The following KIF2A variants were observed in gnomAD, a reference collection of about 807,000 sequenced individuals.
The protein encoded by KIF2A is kinesin family member 2A.
KIF2A carries 22 observed loss-of-function variants against 100.2 expected under a neutral mutation model. The ratio of observed to expected loss-of-function variants is 0.22; its 90% CI spans 0.16 to 0.31. The LOEUF is 0.31. Among genes scored for constraint, KIF2A ranks in the 10% least tolerant of loss-of-function variants. KIF2A has a pLI of 1.00. For missense variants in KIF2A, 495 were observed against 898.7 expected, an observed-to-expected ratio of 0.55 and a Z score of 5.74; for synonymous variants, 268 against 285.9, an observed-to-expected ratio of 0.94 and a Z score of 0.63.
intron 1 of KIF2A, among the ~76,000 whole-genome samples, chr5:62,346,162 T>C (rs530673766): frequency 7.4e-4 from 112 of 152,202 alleles, no homozygotes; most frequent in African/African-American, 2.6e-3. Flanking sequence ...TTTAGCTCTG[T>C]AGTTATTATC....
chr5:62,378,380 C>T (rs1741633878), intron 19 of KIF2A, among the ~76,000 whole-genome samples: 1 of 152,120 alleles, frequency 6.6e-6, no homozygotes, highest in South Asian at 2.1e-4. Flanking sequence ...ATCATTTGGA[C>T]ATCTTTATGA....
At chr5:62,361,371 A>G (rs771655913) in intron 10 of KIF2A, 39 bp downstream of exon 10, 2 of 1,500,402 alleles carry the variant, frequency 1.3e-6, no homozygotes, top group Non-Finnish European at 1.9e-6. Flanking sequence ...GTACGAAGCT[A>G]CAGTTTCTTT....
In KIF2A at chr5:62,390,939, A is replaced by C. The variant is rs2112033819; in HGVS notation, c.*5370A>C. 2.5e-6 allele frequency: 4 copies of C among 1,612,642 alleles called. No homozygotes were observed. The East Asian group carries it at 8.9e-5, about 36-fold the overall frequency. ...GTCACTAAAACCTGTGCTGGTTAGGATTTGCTGTATTTTATCTGCTATGCT... is the reference window on the plus strand; with the variant it reads ...GTCACTAAAACCTGTGCTGGTTAGGCTTTGCTGTATTTTATCTGCTATGCT... On this transcript the variant is annotated 3_prime_UTR_variant, in exon 21 of 21. Transcript: ENST00000407818.
chr5:62,374,079 G>A (rs1317503030), intron 18 of KIF2A, among the ~76,000 whole-genome samples: 1 of 152,116 alleles, frequency 6.6e-6, no homozygotes, highest in Non-Finnish European at 1.5e-5. Flanking sequence ...AGATGTGGTG[G>A]TATACACCTG....
chr5:62,307,951 C>T (rs1745394815), intron 1 of KIF2A, among the ~76,000 whole-genome samples: 1 of 152,134 alleles, frequency 6.6e-6, no homozygotes. Context: ...ATTTATTAAC[C>T]TTTAGCCTAG....
At chr5:62,369,408 T>C (rs1311896126) in intron 16 of KIF2A, among the ~76,000 whole-genome samples, 3 of 152,156 alleles carry the variant, frequency 2.0e-5, no homozygotes, top group African/African-American at 7.2e-5. Flanking sequence ...GAGCCTCCTA[T>C]AAAACCATTA....
At chr5:62,377,311 A>G (rs1339372855) in intron 18 of KIF2A, among the ~76,000 whole-genome samples, 2 of 152,336 alleles carry the variant, frequency 1.3e-5, no homozygotes, top group African/African-American at 2.4e-5. Context: ...TGAAAAGTAG[A>G]CAATACTGAG....
chr5:62,368,368 T>G (rs927188741), intron 16 of KIF2A, among the ~76,000 whole-genome samples: 112 of 151,846 alleles, frequency 7.4e-4, no homozygotes, highest in East Asian at 5.4e-3. Context: ...ACCCCCCGGG[T>G]TTTTTTTGCA....
In KIF2A at chr5:62,387,008, G is replaced by GC. The variant is rs1319834344; in HGVS notation, c.*1441dup. ...GGGAACTATCAGCTCCTTCACAGGAGCCAAAGGGGAGCTATGAATAGAGGG... is the reference window on the plus strand; with the variant it reads ...GGGAACTATCAGCTCCTTCACAGGAGCCCAAAGGGGAGCTATGAATAGAGGG... On this transcript the variant is annotated 3_prime_UTR_variant, in exon 21 of 21. Transcript: ENST00000407818. Among the ~76,000 whole-genome samples, 1 of 152,198 alleles carries GC rather than the reference G, an allele frequency of 6.6e-6. No individual in the cohort carries two copies. Among genetic ancestry groups the GC allele is most frequent in the East Asian group, 1.9e-4 (1 of 5,202 alleles).
At position 62,323,504 on chromosome 5, in the gene KIF2A, C is replaced by G. The variant is rs570932659; in HGVS notation, c.64+16968C>G. ...CACCACTGCACTCCAGCCTGGGCGA[C>G]AGAGCGAGACTCTGTCTCAAAGAAA... On this transcript the variant is annotated intron_variant, in intron 1 of 20. Coordinates refer to ENST00000407818, the MANE Select transcript of KIF2A (RefSeq NM_001098511.3). Among the ~76,000 whole-genome samples the G allele has an allele frequency of 2.1e-5, 3 of 141,884 alleles. No individual in the cohort carries two copies. In the East Asian group the frequency reaches 6.2e-4, roughly 29 times the overall value. The allele number at this position is 141,884 out of a possible 152,430, so 93.1% of individuals were successfully genotyped here.
intron 10 of KIF2A, 22 bp downstream of exon 10, chr5:62,361,354 C>G (rs746376824): frequency 6.5e-7 from 1 of 1,535,898 alleles, no homozygotes; most frequent in Non-Finnish European, 9.0e-7. Context: ...ATTAAAGTTA[C>G]ATTCTGGTAC....
intron 14 of KIF2A, 62 bp from the exon 15 acceptor site, chr5:62,365,181 T>C: frequency 1.3e-6 from 1 of 789,704 alleles, no homozygotes; most frequent in Middle Eastern, 2.4e-4. Flanking sequence ...TTAAAATATG[T>C]TAATTAAGAT....
chr5:62,325,318 T>C (rs1272705681), intron 1 of KIF2A, among the ~76,000 whole-genome samples: 1 of 152,024 alleles, frequency 6.6e-6, no homozygotes, highest in African/African-American at 2.4e-5. Flanking sequence ...GAGATGGGGT[T>C]TCGCCATGTT....
At chr5:62,360,652 C>T (rs1395918843) in intron 9 of KIF2A, among the ~76,000 whole-genome samples, 1 of 151,986 alleles carries the variant, frequency 6.6e-6, no homozygotes. Flanking sequence ...GCCATTTGCA[C>T]TCCAGCCTGG....
rs369201891 is a variant in KIF2A, at chr5:62,353,427, A to G, written c.558+52A>G. 1.8e-5 allele frequency: 16 copies of G among 876,062 alleles called. No homozygotes were observed. In the African/African-American group the frequency reaches 2.3e-4, roughly 13 times the overall value. The allele number at this position is 876,062 out of a possible 1,614,324, so 54.3% of individuals were successfully genotyped here. On this transcript the variant is annotated intron_variant, in intron 6 of 20. Coordinates refer to ENST00000407818, the MANE Select transcript of KIF2A (RefSeq NM_001098511.3). Reference sequence around the variant, plus strand: ...TTATGTACCAACCAGAGATTAGATTATATCAGTGAAGGTGATTGATGTGAA... The same window carrying G: ...TTATGTACCAACCAGAGATTAGATTGTATCAGTGAAGGTGATTGATGTGAA...
chr5:62,371,894 C>G (rs2111981736), intron 16 of KIF2A, among the ~76,000 whole-genome samples: 1 of 152,302 alleles, frequency 6.6e-6, no homozygotes, highest in Non-Finnish European at 1.5e-5. Context: ...TCTGAATCAC[C>G]AACCACTGAA....
At chr5:62,325,783 G>A (rs1049190069) in intron 1 of KIF2A, among the ~76,000 whole-genome samples, 3 of 152,188 alleles carry the variant, frequency 2.0e-5, no homozygotes, top group South Asian at 2.1e-4. Flanking sequence ...TCCCACTACC[G>A]GGTATGTACA....
In KIF2A at chr5:62,390,938, G is replaced by A. The variant is rs747173587; in HGVS notation, c.*5369G>A. The A allele has an allele frequency of 2.0e-5, 33 of 1,612,496 alleles. No individual in the cohort carries two copies. Among genetic ancestry groups the A allele is most frequent in the Non-Finnish European group, 2.8e-5 (33 of 1,179,906 alleles). ...TGTCACTAAAACCTGTGCTGGTTAG[G>A]ATTTGCTGTATTTTATCTGCTATGC... is the stretch of plus-strand genomic sequence containing the variant. On this transcript the variant is annotated 3_prime_UTR_variant, in exon 21 of 21. Transcript: ENST00000407818.
intron 5 of KIF2A, chr5:62,353,040 A>G (rs555511891): frequency 7.0e-6 from 3 of 427,698 alleles, no homozygotes; most frequent in Non-Finnish European, 8.3e-6. Context: ...TTTCTAAACC[A>G]AGAGATGACA....
Sources: allele counts gnomAD v4.1 joint callset (sites outside exome capture counted in the v4.1 genomes callset), GRCh38; gene constraint gnomAD v4.1.1; transcripts MANE v1.5; gene names NCBI Gene and HGNC (gene_info 2026-07-23, HGNC 2026-07-21).